The following P2RX7 variants were observed in gnomAD, a reference collection of about 807,000 sequenced individuals.
The protein encoded by P2RX7 is P2X purinoceptor 7.
Under a neutral mutation model 71.6 loss-of-function variants are expected in P2RX7, and 62 were observed. The ratio of observed to expected loss-of-function variants is 0.87; its 90% CI spans 0.71 to 1.07. The LOEUF (loss-of-function observed/expected upper bound fraction) is 1.07, where lower values mean the gene tolerates loss of function less well. Ranked by LOEUF, P2RX7 falls within the 50% of genes least tolerant of loss-of-function variation. P2RX7 has a pLI of 0.00. For synonymous variants in P2RX7, 299 were observed against 283.3 expected (o/e 1.06, Z -0.56); for missense variants, 686 against 748.5 (o/e 0.92, Z 0.97).
In P2RX7 at chr12:121,160,969, G is replaced by C. The variant is rs769160925; in HGVS notation, c.431G>C (p.Ser144Thr). The C allele has an allele frequency of 1.2e-6, 2 of 1,613,158 alleles. No individual in the cohort carries two copies. Among genetic ancestry groups the C allele is most frequent in the Non-Finnish European group, 1.7e-6 (2 of 1,179,070 alleles). The change falls in exon 4 of 13, where the codon AGC becomes ACC. Residue 144 changes from serine (S) to threonine (T), a missense_variant. Transcript: ENST00000328963. ...GCKKGWMDPQ[S>T]KGIQTGRCVV... ...AAAAAGGGATGGATGGACCCGCAGAGCAAAGGTACCTTCTGTTTCTTTTCC... is the reference window on the plus strand; with the variant it reads ...AAAAAGGGATGGATGGACCCGCAGACCAAAGGTACCTTCTGTTTCTTTTCC...
Position 121,154,628 on chromosome 12 carries a change from A to G in P2RX7, c.126-157A>G, listed in dbSNP as rs1432671306. The stretch of plus-strand genomic sequence containing the variant: ...CACAATCCATGAGGCAGGTATGACT[A>G]TTCTTCCCATTATCCAGAGAGGGAA... On this transcript the variant is annotated intron_variant, in intron 1 of 12. Coordinates refer to ENST00000328963, the MANE Select transcript of P2RX7 (RefSeq NM_002562.6). The surrounding 1 kb of genome is among the most constrained non-coding windows in gnomAD (Gnocchi z 4.2). 6.6e-6 allele frequency among the ~76,000 whole-genome samples: 1 copy of G among 152,192 alleles called. No individual in the cohort carries two copies. Among genetic ancestry groups the G allele is most frequent in the Non-Finnish European group, 1.5e-5 (1 of 68,040 alleles).
rs1177217797 is a variant in P2RX7 at position 121,184,861 on chromosome 12, G to T, written c.*59G>T. ...GCGCTTTGGGAGGCCGAGGCAGGCA[G>T]ATCACCTGAGGTCGGGAGTTGGAGA... On this transcript the variant is annotated 3_prime_UTR_variant, in exon 13 of 13. Transcript: ENST00000328963. 3 of 1,355,716 alleles carry T rather than the reference G, an allele frequency of 2.2e-6. No homozygotes were observed. The highest frequency in any genetic ancestry group is 3.0e-6 in the Non-Finnish European group (3 of 999,850). The allele number at this position is 1,355,716 out of a possible 1,614,324, so 84.0% of individuals were successfully genotyped here.
chr12:121,178,819 GGACTT>G lies in P2RX7; in HGVS notation c.1188+1377_1188+1381del, dbSNP rs374469400. 2.1e-3 allele frequency among the ~76,000 whole-genome samples: 294 copies of G among 139,746 alleles called. 1 individual carries two copies. Among genetic ancestry groups the G allele is most frequent in the African/African-American group, 7.5e-3 (283 of 37,620 alleles). 91.7% of individuals were successfully genotyped at this position (139,746 alleles called of 152,430 possible). ...AAAAAAAAAAAAAAAAAAAATTATA[GGACTT>G]GACAAGAGCAGATCTCCAAGACATT... On this transcript the variant is annotated intron_variant, in intron 11 of 12. Transcript: ENST00000328963.
intron 7 of P2RX7, among the ~76,000 whole-genome samples, chr12:121,167,226 A>G (rs902671197): frequency 3.9e-5 from 6 of 152,048 alleles, no homozygotes; most frequent in African/African-American, 1.4e-4. Context: ...GTTTGGGTAC[A>G]GGAGTGGTCT....
intron 1 of P2RX7, 96 bp downstream of exon 1, chr12:121,133,191 T>C (rs1038768084): frequency 5.6e-6 from 8 of 1,421,420 alleles, no homozygotes; most frequent in Admixed American, 3.4e-5. Context: ...GAATCTCACA[T>C]GGTTTTCGAA....
At chr12:121,159,809 T>C (rs1410320826) in intron 3 of P2RX7, among the ~76,000 whole-genome samples, 2 of 152,200 alleles carry the variant, frequency 1.3e-5, no homozygotes, top group African/African-American at 2.4e-5. Flanking sequence ...CTCAGTTCCA[T>C]GTGTCCTGCT....
In P2RX7 at chr12:121,163,253, T is replaced by C. The variant is rs182404175; in HGVS notation, c.533+733T>C. ...CAGAATAATAATTTCACCAACTTCA[T>C]AGGGCTGTTGTAAGGATTAAATGAG... On this transcript the variant is annotated intron_variant, in intron 5 of 12. Transcript: ENST00000328963. 1.5e-4 allele frequency among the ~76,000 whole-genome samples: 23 copies of C among 152,018 alleles called. No individual in the cohort carries two copies. In the East Asian group the frequency reaches 1.5e-3, roughly 10 times the overall value.
intron 3 of P2RX7, among the ~76,000 whole-genome samples, chr12:121,156,701 T>C (rs1399065176): frequency 6.6e-6 from 1 of 152,188 alleles, no homozygotes; most frequent in Non-Finnish European, 1.5e-5. Flanking sequence ...ACAGCTCTCT[T>C]GCTCATTCAT....
Position 121,177,159 on chromosome 12 carries a change from G to T in P2RX7, c.985G>T (p.Asp329Tyr). The T allele has an allele frequency of 6.2e-7, 1 of 1,614,148 alleles. No individual in the cohort carries two copies. Among genetic ancestry groups the T allele is most frequent in the Non-Finnish European group, 8.5e-7 (1 of 1,180,006 alleles). Residue 329 changes from aspartate to tyrosine, a missense_variant, in exon 10 of 13, where the codon GAC (aspartate) becomes TAC (tyrosine). By Grantham distance (160) the Asp-to-Tyr change is radical. Transcript: ENST00000328963. ...ILVFGTGGKFDIIQLVVYIGS... is the reference protein window; with the variant it reads ...ILVFGTGGKFYIIQLVVYIGS... ...ACTCTGTTTTTAGGGAGGAAAATTT[G>T]ACATTATCCAGCTGGTTGTGTACAT...
chr12:121,179,335 C>T (rs2136153857), intron 11 of P2RX7, among the ~76,000 whole-genome samples: 1 of 152,024 alleles, frequency 6.6e-6, no homozygotes, highest in East Asian at 1.9e-4. Flanking sequence ...CCCGTCTCTA[C>T]TAAAAATACA....
At position 121,180,364 on chromosome 12, in the gene P2RX7, ATG is replaced by A. The variant is rs1565978270; in HGVS notation, c.1203_1204del (p.Ser402LeufsTer4). ...ACCATCTTTTCCTAGACATTAAAGTATGTGTCCTTTGTGGATGAATCCCACAT... is the reference window on the plus strand; with the variant it reads ...ACCATCTTTTCCTAGACATTAAAGTATGTCCTTTGTGGATGAATCCCACAT... On this transcript the variant is annotated frameshift_variant, in exon 12 of 13. Transcript: ENST00000328963. LOFTEE classifies it high-confidence loss of function. 1.3e-6 allele frequency: 2 copies of A among 1,578,038 alleles called. No homozygotes were observed. Among genetic ancestry groups the A allele is most frequent in the Non-Finnish European group, 1.7e-6 (2 of 1,157,824 alleles).
chr12:121,176,781 G>A (rs1390672738), intron 9 of P2RX7, among the ~76,000 whole-genome samples: 1 of 151,042 alleles, frequency 6.6e-6, no homozygotes, highest in East Asian at 1.9e-4. Context: ...AACCCACGAG[G>A]CCACCCAGAC....
At chr12:121,174,048 CTTT>C (rs141344773) in intron 8 of P2RX7, among the ~76,000 whole-genome samples, 52 of 73,900 alleles carry the variant, frequency 7.0e-4, no homozygotes, top group African/African-American at 2.7e-3. Context: ...CTTTTCTTTT[CTTT>C]TTTTTTTTTT....
chr12:121,159,166 C>G (rs1435976789), intron 3 of P2RX7, among the ~76,000 whole-genome samples: 4 of 152,206 alleles, frequency 2.6e-5, no homozygotes, highest in Non-Finnish European at 4.4e-5. Flanking sequence ...CGCCTATAAT[C>G]CCAGCACTTT....
intron 3 of P2RX7, among the ~76,000 whole-genome samples, chr12:121,157,563 G>A (rs1878834269): frequency 6.6e-6 from 1 of 152,102 alleles, no homozygotes; most frequent in South Asian, 2.1e-4. Flanking sequence ...ATCCAGTTTG[G>A]GGGCCTGTTT....
rs200132298 is a variant in P2RX7 at position 121,185,252 on chromosome 12, T to C, written c.*450T>C. The C allele has an allele frequency of 4.4e-5, 7 of 159,218 alleles. No homozygotes were observed. The highest frequency in any genetic ancestry group is 9.6e-5 in the Non-Finnish European group (7 of 72,678). The allele number at this position is 159,218 out of a possible 1,614,324, so 9.9% of individuals were successfully genotyped here. ...CTCTGTGTCTGAGAGCAAAGTGACCTGGTTAAACAAACCAGAATCCCTCTA... is the reference window on the plus strand; with the variant it reads ...CTCTGTGTCTGAGAGCAAAGTGACCCGGTTAAACAAACCAGAATCCCTCTA... On this transcript the variant is annotated 3_prime_UTR_variant, in exon 13 of 13. Coordinates refer to ENST00000328963, the MANE Select transcript of P2RX7 (RefSeq NM_002562.6).
rs774694246 is a variant in P2RX7 at position 121,165,314 on chromosome 12, T to A, written c.534-43T>A. The A allele has an allele frequency of 1.6e-5, 24 of 1,523,922 alleles. No individual in the cohort carries two copies. The East Asian group carries it at 1.6e-4, about 10-fold the overall frequency. 94.4% of individuals were successfully genotyped at this position (1,523,922 alleles called of 1,614,324 possible). ...CCCACTGGCCCATGGGCTCCCTCGGTTCCCCCCGTCACTAATGGCCATTTT... is the reference window on the plus strand; with the variant it reads ...CCCACTGGCCCATGGGCTCCCTCGGATCCCCCCGTCACTAATGGCCATTTT... On this transcript the variant is annotated intron_variant, in intron 5 of 12. Transcript: ENST00000328963.
At chr12:121,182,590 T>A (rs1026469671) in intron 12 of P2RX7, among the ~76,000 whole-genome samples, 3 of 152,124 alleles carry the variant, frequency 2.0e-5, no homozygotes, top group African/African-American at 7.2e-5. Context: ...AAAGGTACAG[T>A]GAAAATATGA....
chr12:121,161,445 G>A (rs1333638454), intron 4 of P2RX7, among the ~76,000 whole-genome samples: 1 of 151,892 alleles, frequency 6.6e-6, no homozygotes, highest in Non-Finnish European at 1.5e-5. Flanking sequence ...TTATATCTAA[G>A]TGCAGTGCTA....
Sources: allele counts gnomAD v4.1 joint callset (sites outside exome capture counted in the v4.1 genomes callset), GRCh38; gene constraint gnomAD v4.1.1; non-coding constraint Gnocchi (gnomAD v3.1); transcripts MANE v1.5; gene names NCBI Gene and HGNC (gene_info 2026-07-23, HGNC 2026-07-21).